Variants in TMOD1 observed in about 807,000 individuals in gnomAD.
The protein encoded by TMOD1 is tropomodulin 1.
A neutral mutation model predicts 40.6 loss-of-function variants in TMOD1; 17 were observed. The ratio of observed to expected loss-of-function variants is 0.42; its 90% CI spans 0.29 to 0.63. The LOEUF is 0.63. Among genes scored for constraint, TMOD1 ranks in the 20% least tolerant of loss-of-function variants. The pLI, the probability that TMOD1 is intolerant of heterozygous loss-of-function variation, is 0.22. For synonymous variants in TMOD1, 181 were observed against 175.0 expected (o/e 1.03, Z -0.27); for missense variants, 391 against 447.6 (o/e 0.87, Z 1.14).
rs1162417492 is a variant in TMOD1, at chr9:97,601,081, G to C, written c.*1383G>C. On this transcript the variant is annotated 3_prime_UTR_variant, in exon 10 of 10. Coordinates refer to ENST00000259365, the MANE Select transcript of TMOD1 (RefSeq NM_003275.4). Reference sequence around the variant, plus strand: ...GGGCAGTACAGGGTAACTGGAGGCGGGGCCAGGGCCTCAGCGCTATGGAAG... The same window carrying C: ...GGGCAGTACAGGGTAACTGGAGGCGCGGCCAGGGCCTCAGCGCTATGGAAG... The C allele has an allele frequency of 7.7e-7, 1 of 1,304,292 alleles. No homozygotes were observed. The highest frequency in any genetic ancestry group is 2.3e-5 in the Admixed American group (1 of 43,568). 80.8% of individuals were successfully genotyped at this position (1,304,292 alleles called of 1,614,324 possible). A position where few individuals can be genotyped will look rare whatever the true frequency, so the allele number is the denominator to read the frequency against.
chr9:97,549,169 A>G (rs537682561), intron 3 of TMOD1, among the ~76,000 whole-genome samples: 8 of 152,350 alleles, frequency 5.3e-5, no homozygotes, highest in South Asian at 2.1e-4. Flanking sequence ...GGGGATAAAT[A>G]AAAGTAACAG....
chr9:97,546,918 G>C (rs1024342049), intron 3 of TMOD1, among the ~76,000 whole-genome samples: 16 of 112,166 alleles, frequency 1.4e-4, no homozygotes, highest in African/African-American at 5.5e-4. Flanking sequence ...AACAGAGTAA[G>C]ACTCCGTCTC....
chr9:97,584,334 G>T (rs1373671516), intron 8 of TMOD1, among the ~76,000 whole-genome samples: 2 of 151,910 alleles, frequency 1.3e-5, no homozygotes, highest in Non-Finnish European at 2.9e-5. Context: ...TTAATCCTGA[G>T]TTCTAGTTTG....
intron 1 of TMOD1, among the ~76,000 whole-genome samples, chr9:97,523,741 C>G (rs1829953753): frequency 1.3e-5 from 2 of 152,086 alleles, no homozygotes; most frequent in African/African-American, 4.8e-5. Flanking sequence ...ACTCCCCTGC[C>G]CCTTTTAAAC....
chr9:97,599,543 G>T, intron 9 of TMOD1, 91 bp from the exon 10 acceptor site: 3 of 1,526,324 alleles, frequency 2.0e-6, no homozygotes, highest in Non-Finnish European at 1.8e-6. Flanking sequence ...AAACCAATTA[G>T]TGCGAGGTTT....
At chr9:97,517,214 G>T (rs1045447521) in intron 1 of TMOD1, among the ~76,000 whole-genome samples, 3 of 152,060 alleles carry the variant, frequency 2.0e-5, no homozygotes, top group African/African-American at 7.3e-5. Context: ...GCTGGGCATG[G>T]TGATGCACCC....
In TMOD1 at chr9:97,599,633, G is replaced by A. The variant is rs1238975715; in HGVS notation, c.1016-1G>A. 6.2e-7 allele frequency: 1 copy of A among 1,614,044 alleles called. No individual in the cohort carries two copies. The highest frequency in any genetic ancestry group is 1.3e-5 in the African/African-American group (1 of 74,918). On this transcript the variant is annotated splice_acceptor_variant, in intron 9 of 9. Coordinates refer to ENST00000259365, the MANE Select transcript of TMOD1 (RefSeq NM_003275.4). LOFTEE classifies it high-confidence loss of function. ...TATATCTTATCTCCATTCCTTTCCA[G>A]TGAGGAAGAGGAGGCTTGCGGACCT...
At chr9:97,581,235 A>G (rs1825746329) in intron 8 of TMOD1, among the ~76,000 whole-genome samples, 1 of 137,146 alleles carries the variant, frequency 7.3e-6, no homozygotes, top group Admixed American at 7.8e-5. Flanking sequence ...ATGAGTGAGA[A>G]TATGCGGTGT....
intron 8 of TMOD1, among the ~76,000 whole-genome samples, chr9:97,584,573 G>A (rs1007815588): frequency 3.9e-5 from 6 of 152,058 alleles, no homozygotes; most frequent in African/African-American, 1.4e-4. Flanking sequence ...TTTCTGTCTC[G>A]TTGATCTGTC....
chr9:97,509,512 G>GTTTTTT, intron 1 of TMOD1, among the ~76,000 whole-genome samples: 1 of 106,130 alleles, frequency 9.4e-6, no homozygotes, highest in Non-Finnish European at 2.1e-5. Flanking sequence ...TTTTTTTTTT[G>GTTTTTT]TTTTTTGTTT....
chr9:97,578,417 A>G (rs968035856), intron 8 of TMOD1, among the ~76,000 whole-genome samples: 1 of 152,178 alleles, frequency 6.6e-6, no homozygotes, highest in African/African-American at 2.4e-5. Context: ...TTACTCCTTA[A>G]TGTAAAAAGA....
At chr9:97,584,107 T>A (rs1825816105) in intron 8 of TMOD1, among the ~76,000 whole-genome samples, 1 of 149,996 alleles carries the variant, frequency 6.7e-6, no homozygotes, top group Non-Finnish European at 1.5e-5. Flanking sequence ...GTGTCAATTT[T>A]GGATCTTTCC....
In TMOD1 at chr9:97,600,912, TTTTG is replaced by T; in HGVS notation, c.*1221_*1224del. 4 of 1,157,376 alleles carry T rather than the reference TTTTG, an allele frequency of 3.5e-6. No individual in the cohort carries two copies. The South Asian group carries it at 5.3e-5, about 15-fold the overall frequency. 71.7% of individuals were successfully genotyped at this position (1,157,376 alleles called of 1,614,324 possible). A position where few individuals can be genotyped will look rare whatever the true frequency, so the allele number is the denominator to read the frequency against. ...ACCACAGTGCCAGTTAAACTAATAT[TTTTG>T]TTTGTTGCTTTTGGGAGTTATTTTC... On this transcript the variant is annotated 3_prime_UTR_variant, in exon 10 of 10. Coordinates refer to ENST00000259365, the MANE Select transcript of TMOD1 (RefSeq NM_003275.4).
At chr9:97,567,140 G>T (rs1246294812) in intron 7 of TMOD1, among the ~76,000 whole-genome samples, 1 of 152,168 alleles carries the variant, frequency 6.6e-6, no homozygotes, top group Non-Finnish European at 1.5e-5. Flanking sequence ...GTCTCTCATT[G>T]CTGTCAGTGG....
At chr9:97,569,170 A>G in intron 8 of TMOD1, 133 bp downstream of exon 8, 1 of 1,146,402 alleles carries the variant, frequency 8.7e-7, no homozygotes, top group South Asian at 1.6e-5. Flanking sequence ...GGGACCTCCA[A>G]GGTCCCTAAA....
intron 1 of TMOD1, among the ~76,000 whole-genome samples, chr9:97,515,469 A>G (rs2131213666): frequency 6.6e-6 from 1 of 152,028 alleles, no homozygotes; most frequent in South Asian, 2.1e-4. Context: ...TTGTAGAGAC[A>G]GGGTTTTGCC....
intron 8 of TMOD1, among the ~76,000 whole-genome samples, chr9:97,582,575 G>A (rs1466744932): frequency 1.1e-4 from 15 of 132,684 alleles, no homozygotes; most frequent in Admixed American, 3.1e-4. Flanking sequence ...CATTGAATCT[G>A]TAAATTACCT....
At chr9:97,584,306 C>A (rs1825821396) in intron 8 of TMOD1, among the ~76,000 whole-genome samples, 2 of 152,104 alleles carry the variant, frequency 1.3e-5, no homozygotes, top group South Asian at 4.1e-4. Flanking sequence ...TGCAGTTGAG[C>A]AGTTTTGAGT....
intron 1 of TMOD1, among the ~76,000 whole-genome samples, chr9:97,520,531 G>A (rs1829898586): frequency 6.6e-6 from 1 of 152,148 alleles, no homozygotes; most frequent in African/African-American, 2.4e-5. Context: ...GAGCCAAGTC[G>A]ATGAGTGTGG....
Sources: allele counts gnomAD v4.1 joint callset (sites outside exome capture counted in the v4.1 genomes callset), GRCh38; gene constraint gnomAD v4.1.1; transcripts MANE v1.5; gene names NCBI Gene and HGNC (gene_info 2026-07-23, HGNC 2026-07-21).